COL11A2: variants seen among roughly 807,000 people sequenced by gnomAD.
COL11A2 encodes the protein collagen alpha-2(XI) chain.
Under a neutral mutation model 273.4 loss-of-function variants are expected in COL11A2, and 116 were observed. The ratio of observed to expected loss-of-function variants is 0.42; its 90% CI spans 0.36 to 0.49. COL11A2 has a LOEUF of 0.49. Among genes scored for constraint, COL11A2 ranks in the 20% least tolerant of loss-of-function variants. The pLI is 0.00. For synonymous variants in COL11A2, 782 were observed against 864.2 expected, an observed-to-expected ratio of 0.90 and a Z score of 1.67; for missense variants, 1,866 against 2,309.0, an observed-to-expected ratio of 0.81 and a Z score of 3.93.
At chr6:33,171,674 C>T (rs1333564209) in intron 42 of COL11A2, 39 bp downstream of exon 42, 1 of 1,602,540 alleles carries the variant, frequency 6.2e-7, no homozygotes, top group Admixed American at 1.7e-5. Flanking sequence ...GGCTCACAGA[C>T]CCCTCCCCAG....
Position 33,180,291 on chromosome 6 carries a change from A to G in COL11A2, c.1326T>C (p.Ala442=), listed in dbSNP as rs2150584272. The G allele has an allele frequency of 6.2e-7, 1 of 1,612,984 alleles. No homozygotes were observed. The highest frequency in any genetic ancestry group is 8.5e-7 in the Non-Finnish European group (1 of 1,180,036). Residue 442 remains alanine, a synonymous_variant, in exon 12 of 66, where the codon GCT becomes GCC. Coordinates refer to ENST00000341947, the MANE Select transcript of COL11A2 (RefSeq NM_080680.3). ...GRAGLPGSDG[A]PGPPGTSLML... ...TGAGAGATGTGCCAGGAGGACCAGGAGCCCCATCTGATCCAGGGAGCCCTG... is the reference window on the plus strand; with the variant it reads ...TGAGAGATGTGCCAGGAGGACCAGGGGCCCCATCTGATCCAGGGAGCCCTG...
intron 8 of COL11A2, 112 bp downstream of exon 8, chr6:33,184,033 T>TC (rs779725395): frequency 8.5e-6 from 8 of 939,806 alleles, no homozygotes; most frequent in Non-Finnish European, 1.2e-5. Context: ...AAATGACAAG[T>TC]CACAGATGGG....
rs760502556 is a variant in COL11A2, at chr6:33,189,409, C to T, written c.143G>A (p.Arg48Gln). 38 of 1,612,996 alleles carry T rather than the reference C, an allele frequency of 2.4e-5. No homozygotes were observed. In the Admixed American group the frequency reaches 5.0e-4, roughly 21 times the overall value. Reference sequence around the variant, plus strand: ...AGCTGGACAGATGCCTTTCGCTCTCCGGACACCATCAGGGAGGGAGGGGAA... The same window carrying T: ...AGCTGGACAGATGCCTTTCGCTCTCTGGACACCATCAGGGAGGGAGGGGAA... ...LRFPSLPDGV[R>Q]RAKGICPADV... Residue 48 changes from arginine (R) to glutamine (Q), a missense_variant, in exon 2 of 66, where the codon CGG becomes CAG. Physicochemically the swap from Arg to Gln is conservative, Grantham distance 43. Transcript: ENST00000341947. The surrounding 1 kb of genome is among the most constrained non-coding windows in gnomAD (Gnocchi z 5.6).
chr6:33,164,969 T>G lies in COL11A2; in HGVS notation c.4751-5A>C, dbSNP rs1768903309. The stretch of plus-strand genomic sequence containing the variant: ...TGGGGTCGACCCAGTACTCTCCTGT[T>G]GGGTGAGGGAGAGGGGAGGTCAGGG... On this transcript the variant is annotated splice_polypyrimidine_tract_variant and splice_region_variant and intron_variant, in intron 63 of 65. Transcript: ENST00000341947. The surrounding 1 kb of genome is among the most constrained non-coding windows in gnomAD (Gnocchi z 4.7). 6.4e-7 allele frequency: 1 copy of G among 1,566,904 alleles called. No individual in the cohort carries two copies. Among genetic ancestry groups the G allele is most frequent in the African/African-American group, 1.4e-5 (1 of 73,882 alleles).
Position 33,163,958 on chromosome 6 carries a change from T to C in COL11A2, c.5071-140A>G. On this transcript the variant is annotated intron_variant, in intron 65 of 65. Coordinates refer to ENST00000341947, the MANE Select transcript of COL11A2 (RefSeq NM_080680.3). This position sits in a 1 kb window ranked among gnomAD's most constrained non-coding sequence, Gnocchi z 4.1. ...AGGATGTACAGACTGGCAGTGTCTATGTGCCCATGCGTGTGTGTTTGCTTC... is the reference window on the plus strand; with the variant it reads ...AGGATGTACAGACTGGCAGTGTCTACGTGCCCATGCGTGTGTGTTTGCTTC... The C allele has an allele frequency of 8.0e-7, 1 of 1,252,042 alleles. No individual in the cohort carries two copies. Among genetic ancestry groups the C allele is most frequent in the Non-Finnish European group, 1.1e-6 (1 of 871,598 alleles). The allele number at this position is 1,252,042 out of a possible 1,614,324, so 77.6% of individuals were successfully genotyped here. A position where few individuals can be genotyped will look rare whatever the true frequency, so the allele number is the denominator to read the frequency against.
At chr6:33,188,902 T>C in intron 3 of COL11A2, 76 bp downstream of exon 3, 1 of 1,511,474 alleles carries the variant, frequency 6.6e-7, no homozygotes, top group East Asian at 2.3e-5. Context: ...GGTTTCACAG[T>C]TTAGAGTGTA....
Position 33,170,544 on chromosome 6 carries a change from G to A in COL11A2, c.3528+13C>T. On this transcript the variant is annotated intron_variant, in intron 47 of 65. Transcript: ENST00000341947. This position sits in a 1 kb window ranked among gnomAD's most constrained non-coding sequence, Gnocchi z 4.3. ...CTAGTATGGTGGCTAGGGTCAGTAG[G>A]GGTCACACTCACCATAGGACCCACA... The A allele has an allele frequency of 6.2e-7, 1 of 1,612,208 alleles. No homozygotes were observed. Among genetic ancestry groups the A allele is most frequent in the South Asian group, 1.1e-5 (1 of 91,064 alleles).
Position 33,171,166 on chromosome 6 carries a change from C to A in COL11A2, c.3314G>T (p.Gly1105Val), listed in dbSNP as rs1234841488. Residue 1105 changes from glycine to valine, a missense_variant and splice_region_variant, in exon 45 of 66, where the codon GGC (glycine) becomes GTC (valine). Coordinates refer to ENST00000341947, the MANE Select transcript of COL11A2 (RefSeq NM_080680.3). Reference protein sequence around the residue: ...KGTKGNKGEHGPPGPPGPIGP... With the variant: ...KGTKGNKGEHVPPGPPGPIGP... The stretch of plus-strand genomic sequence containing the variant: ...AATGGGTCCAGGGGGTCCAGGAGGG[C>A]CCTGGGTAAGAGAAGAGAGTCAGAG... 1 of 1,607,264 alleles carries A rather than the reference C, an allele frequency of 6.2e-7. No individual in the cohort carries two copies. The highest frequency in any genetic ancestry group is 2.2e-5 in the East Asian group (1 of 44,748).
At position 33,184,997 on chromosome 6, in the gene COL11A2, C is replaced by T. The variant is rs1373421456; in HGVS notation, c.934G>A (p.Glu312Lys). 32 of 1,551,070 alleles carry T rather than the reference C, an allele frequency of 2.1e-5. No individual in the cohort carries two copies. The highest frequency in any genetic ancestry group is 1.3e-5 in the Non-Finnish European group (15 of 1,146,704). The change falls in exon 7 of 66, where the codon GAG becomes AAG. Residue 312 changes from glutamate to lysine, a missense_variant. Transcript: ENST00000341947. ...AGGGTGGGGCATAGAGTTACCTCCT[C>T]AAGGGGTGGCAAGAGGCTCGACTCC... is the stretch of plus-strand genomic sequence containing the variant. ...ILESSLLPPL[E>K]EEQTDLQVPP... is the part of the protein sequence containing the mutation.
At position 33,170,705 on chromosome 6, in the gene COL11A2, C is replaced by T. The variant is rs1450858217; in HGVS notation, c.3475-95G>A. The stretch of plus-strand genomic sequence containing the variant: ...CCCACAGTCCCCTCCCCTCAGACTC[C>T]GCAGGCCCTCCAGTCTGCATCGGCA... On this transcript the variant is annotated intron_variant, in intron 46 of 65. Coordinates refer to ENST00000341947, the MANE Select transcript of COL11A2 (RefSeq NM_080680.3). This position sits in a 1 kb window ranked among gnomAD's most constrained non-coding sequence, Gnocchi z 4.3. 6.3e-6 allele frequency: 10 copies of T among 1,586,468 alleles called. No individual in the cohort carries two copies. The highest frequency in any genetic ancestry group is 1.7e-4 in the Middle Eastern group (1 of 6,042).
intron 3 of COL11A2, 86 bp downstream of exon 3, chr6:33,188,892 G>A: frequency 6.9e-7 from 1 of 1,456,012 alleles, no homozygotes; most frequent in South Asian, 1.1e-5. Context: ...GGGTCTCAAG[G>A]GTTTCACAGT....
In COL11A2 at chr6:33,177,516, A is replaced by AT. The variant is rs1562353932; in HGVS notation, c.1918-52dup. ...TCAGAAGGAGATGGAGATAGAACAC[A>AT]TTTAGAGCATGGAGCTGAGTCCCAG... On this transcript the variant is annotated intron_variant, in intron 22 of 65. Transcript: ENST00000341947. This position sits in a 1 kb window ranked among gnomAD's most constrained non-coding sequence, Gnocchi z 5.9. 5.0e-6 allele frequency: 8 copies of AT among 1,602,870 alleles called. No individual in the cohort carries two copies. The highest frequency in any genetic ancestry group is 1.3e-5 in the African/African-American group (1 of 74,810).
In COL11A2 at chr6:33,179,825, G is replaced by C; in HGVS notation, c.1360-20C>G. 6.2e-7 allele frequency: 1 copy of C among 1,602,664 alleles called. No individual in the cohort carries two copies. The stretch of plus-strand genomic sequence containing the variant: ...CCGGAACTGAGGTCAAGGAGAGAAG[G>C]TCCAGGTTCTCTTCCAAGAAAGCCA... On this transcript the variant is annotated intron_variant, in intron 12 of 65. Transcript: ENST00000341947. This position sits in a 1 kb window ranked among gnomAD's most constrained non-coding sequence, Gnocchi z 6.4.
rs1412924343 is a variant in COL11A2, at chr6:33,165,872, T to C, written c.4483-56A>G. ...AGACAAGGTTGGTGTGAGGGTGAAGTGTGGCAGCAGTGGAGCAGAGGGGTA... is the reference window on the plus strand; with the variant it reads ...AGACAAGGTTGGTGTGAGGGTGAAGCGTGGCAGCAGTGGAGCAGAGGGGTA... On this transcript the variant is annotated intron_variant, in intron 62 of 65. Coordinates refer to ENST00000341947, the MANE Select transcript of COL11A2 (RefSeq NM_080680.3). The surrounding 1 kb of genome is among the most constrained non-coding windows in gnomAD (Gnocchi z 7.7). 6.2e-7 allele frequency: 1 copy of C among 1,613,314 alleles called. No homozygotes were observed. Among genetic ancestry groups the C allele is most frequent in the African/African-American group, 1.3e-5 (1 of 74,762 alleles).
Position 33,167,912 on chromosome 6 carries a change from C to A in COL11A2, c.3961-60G>T. On this transcript the variant is annotated intron_variant, in intron 54 of 65. Coordinates refer to ENST00000341947, the MANE Select transcript of COL11A2 (RefSeq NM_080680.3). The surrounding 1 kb of genome is among the most constrained non-coding windows in gnomAD (Gnocchi z 6.1). ...CCGTGGGCAGCCAGGCTCAACTCTT[C>A]CCCCTTCCTGTCCTAGACACACACA... 2 of 1,585,578 alleles carry A rather than the reference C, an allele frequency of 1.3e-6. No individual in the cohort carries two copies. Among genetic ancestry groups the A allele is most frequent in the Non-Finnish European group, 8.6e-7 (1 of 1,158,728 alleles).
chr6:33,193,168 T>G (rs1161353156), upstream of COL11A2, among the ~76,000 whole-genome samples: 3 of 152,014 alleles, frequency 2.0e-5, no homozygotes, highest in Non-Finnish European at 4.4e-5. Flanking sequence ...ATGGGGTCAC[T>G]CGGGGACGTG....
intron 40 of COL11A2, 53 bp downstream of exon 40, chr6:33,172,236 G>A (rs10428747): frequency 4.7e-6 from 7 of 1,481,704 alleles, no homozygotes; most frequent in African/African-American, 1.4e-5. Flanking sequence ...TCGGGGTGGG[G>A]ACTCAGGATG....
rs777371888 is a variant in COL11A2, at chr6:33,176,705, A to AT, written c.2115+15_2115+16insA. 1 of 1,612,052 alleles carries AT rather than the reference A, an allele frequency of 6.2e-7. No individual in the cohort carries two copies. The highest frequency in any genetic ancestry group is 1.1e-5 in the South Asian group (1 of 90,564). On this transcript the variant is annotated intron_variant, in intron 26 of 65. Coordinates refer to ENST00000341947, the MANE Select transcript of COL11A2 (RefSeq NM_080680.3). The surrounding 1 kb of genome is among the most constrained non-coding windows in gnomAD (Gnocchi z 4.9). ...GTGGAGACTCCCTCAGGGGATAAAG[A>AT]CATGGAAGATCTCACCTGGTTTCCT...
rs550696955 is a variant in COL11A2, at chr6:33,185,759, T to C, written c.818A>G (p.Tyr273Cys). 7.4e-7 allele frequency: 1 copy of C among 1,344,334 alleles called. No individual in the cohort carries two copies. The highest frequency in any genetic ancestry group is 9.9e-7 in the Non-Finnish European group (1 of 1,011,090). 83.3% of individuals were successfully genotyped at this position (1,344,334 alleles called of 1,614,324 possible). ...PQSQPTESLY[Y>C]DYEPPYYDVM... Reference sequence around the variant, plus strand: ...ATCATAATAGGGGGGCTCGTAGTCATAGTAGAGAGACTCAGTGGGCTGGGA... The same window carrying C: ...ATCATAATAGGGGGGCTCGTAGTCACAGTAGAGAGACTCAGTGGGCTGGGA... Residue 273 changes from tyrosine to cysteine, a missense_variant, in exon 6 of 66, where the codon TAT becomes TGT. By Grantham distance (194) the Tyr-to-Cys change is radical. Coordinates refer to ENST00000341947, the MANE Select transcript of COL11A2 (RefSeq NM_080680.3).
Sources: gnomAD v4.1 joint callset for allele counts (sites outside exome capture counted in the v4.1 genomes callset) on GRCh38, gnomAD v4.1.1 for gene constraint, Gnocchi (gnomAD v3.1) non-coding constraint, MANE v1.5 for transcripts, NCBI Gene and HGNC (gene_info 2026-07-23, HGNC 2026-07-21) for gene names.